The following CDCA8 variants were observed in gnomAD, a reference collection of about 807,000 sequenced individuals.
The protein encoded by CDCA8 is cell division cycle associated 8.
In CDCA8, 25 loss-of-function variants were observed where a neutral mutation model predicts 40.0. That is an observed-to-expected ratio of 0.63 (90% CI 0.46 to 0.87). The LOEUF is 0.87. Among genes scored for constraint, CDCA8 ranks in the 40% least tolerant of loss-of-function variants. The pLI, the probability that CDCA8 is intolerant of heterozygous loss-of-function variation, is 0.00. For synonymous variants in CDCA8, 111 were observed against 126.5 expected (o/e 0.88, Z 0.82); for missense variants, 280 against 348.4 (o/e 0.80, Z 1.56).
chr1:37,707,445 C>T (rs998105240), intron 9 of CDCA8, among the ~76,000 whole-genome samples: 3 of 152,178 alleles, frequency 2.0e-5, no homozygotes, highest in African/African-American at 7.2e-5. Context: ...GCGAGCTGAA[C>T]GGCCAAGCCT....
At position 37,698,923 on chromosome 1, in the gene CDCA8, G is replaced by A. The variant is rs370815676; in HGVS notation, c.283G>A (p.Glu95Lys). The part of the protein sequence containing the change: ...EAATADLDIT[E>K]INKLTAEAIQ... ...GTCATAGGCTGACCTGGATATCACC[G>A]AAATAAACAAACTAACAGCAGAAGC... The change falls in exon 4 of 10, where the codon GAA (glutamate) becomes AAA (lysine). Residue 95 changes from glutamate (E) to lysine (K), a missense_variant. Coordinates refer to ENST00000373055, the MANE Select transcript of CDCA8 (RefSeq NM_001256875.2). 5.8e-5 allele frequency: 94 copies of A among 1,613,634 alleles called. No homozygotes were observed. The highest frequency in any genetic ancestry group is 3.8e-4 in the South Asian group (35 of 91,072).
intron 5 of CDCA8, among the ~76,000 whole-genome samples, chr1:37,701,280 A>G (rs576661209): frequency 6.6e-6 from 1 of 152,272 alleles, no homozygotes; most frequent in African/African-American, 2.4e-5. Flanking sequence ...CTCCTAAGGC[A>G]GACTGCCAAG....
At chr1:37,700,176 C>T (rs1467584440) in intron 4 of CDCA8, among the ~76,000 whole-genome samples, 5 of 152,122 alleles carry the variant, frequency 3.3e-5, no homozygotes, top group Admixed American at 3.3e-4. Context: ...GGCTACACAC[C>T]AGGGCACGCT....
At position 37,703,151 on chromosome 1, in the gene CDCA8, G is replaced by A. The variant is rs1304662505; in HGVS notation, c.489-101G>A. ...GTGAGTCGATGTGTGCGAGGCGCCC[G>A]GAGCAGTATCTCACAGTCAGCTCTC... On this transcript the variant is annotated intron_variant, in intron 6 of 9. Transcript: ENST00000373055. 2.2e-5 allele frequency: 20 copies of A among 895,776 alleles called. 1 individual carries two copies. The highest frequency in any genetic ancestry group is 1.3e-4 in the African/African-American group (8 of 61,226). 55.5% of individuals were successfully genotyped at this position (895,776 alleles called of 1,614,324 possible).
rs1645471448 is a variant in CDCA8 at position 37,692,552 on chromosome 1, T to C, written c.-139T>C. 1 of 685,670 alleles carries C rather than the reference T, an allele frequency of 1.5e-6. No individual in the cohort carries two copies. The highest frequency in any genetic ancestry group is 2.3e-5 in the Admixed American group (1 of 42,816). The allele number at this position is 685,670 out of a possible 1,614,324, so 42.5% of individuals were successfully genotyped here. ...CTCTCTCACTGGCACAGCGAGGTTT[T>C]GCTCAGCCCTTGTCTCGGGACCGCA... On this transcript the variant is annotated 5_prime_UTR_variant, in exon 1 of 10. Transcript: ENST00000373055.
intron 5 of CDCA8, 35 bp from the exon 6 acceptor site, chr1:37,701,719 T>C (rs775921578): frequency 6.5e-7 from 1 of 1,537,228 alleles, no homozygotes; most frequent in Non-Finnish European, 8.9e-7. Flanking sequence ...TGCTGGGTTT[T>C]TTGTAACCTT....
chr1:37,698,947 G>A lies in CDCA8; in HGVS notation c.307G>A (p.Ala103Thr), dbSNP rs1172068276. ...ITEINKLTAE[A>T]IQTPLKSAKT... ...CGAAATAAACAAACTAACAGCAGAA[G>A]CTATTCAGACACCCCTGAAATCTGC... Residue 103 changes from alanine (A) to threonine (T), a missense_variant, in exon 4 of 10, where the codon GCT becomes ACT. Physicochemically the swap from Ala to Thr is moderately conservative, Grantham distance 58. Transcript: ENST00000373055. 6.2e-7 allele frequency: 1 copy of A among 1,613,832 alleles called. No homozygotes were observed. Among genetic ancestry groups the A allele is most frequent in the Admixed American group, 1.7e-5 (1 of 60,022 alleles).
rs1645620817 is a variant in CDCA8 at position 37,708,865 on chromosome 1, G to A, written c.*499G>A. On this transcript the variant is annotated 3_prime_UTR_variant, in exon 10 of 10. Coordinates refer to ENST00000373055, the MANE Select transcript of CDCA8 (RefSeq NM_001256875.2). ...AGAGGGTAGGTCCAGAAGGTGGGGG[G>A]AACTGTACAGATCAGCAGAGCAGGA... 1 of 210,914 alleles carries A rather than the reference G, an allele frequency of 4.7e-6. No homozygotes were observed. Among genetic ancestry groups the A allele is most frequent in the South Asian group, 9.0e-5 (1 of 11,152 alleles). 13.1% of individuals were successfully genotyped at this position (210,914 alleles called of 1,614,324 possible).
chr1:37,695,368 T>TA (rs71690196), intron 2 of CDCA8, among the ~76,000 whole-genome samples: 1,241 of 76,418 alleles, frequency 0.016, 28 homozygotes, highest in Middle Eastern at 0.054. Context: ...CATCTCTACT[T>TA]AAAAAAAAAA....
At chr1:37,702,646 CT>C (rs1279443643) in intron 6 of CDCA8, among the ~76,000 whole-genome samples, 2 of 152,080 alleles carry the variant, frequency 1.3e-5, no homozygotes, top group Non-Finnish European at 2.9e-5. Flanking sequence ...AGGCTGTCTC[CT>C]TGATTAAAAA....
chr1:37,706,227 C>A (rs986171596), intron 8 of CDCA8, among the ~76,000 whole-genome samples: 4 of 152,016 alleles, frequency 2.6e-5, no homozygotes, highest in African/African-American at 9.7e-5. Flanking sequence ...CCTGCCTCAG[C>A]CTCCTGAGTA....
At position 37,708,444 on chromosome 1, in the gene CDCA8, G is replaced by T. The variant is rs1468561684; in HGVS notation, c.*78G>T. 3.6e-6 allele frequency: 5 copies of T among 1,372,996 alleles called. No homozygotes were observed. Among genetic ancestry groups the T allele is most frequent in the Non-Finnish European group, 5.2e-6 (5 of 962,294 alleles). 85.1% of individuals were successfully genotyped at this position (1,372,996 alleles called of 1,614,324 possible). A position where few individuals can be genotyped will look rare whatever the true frequency, so the allele number is the denominator to read the frequency against. Reference sequence around the variant, plus strand: ...GAGACTTCTTCCCTTCAGGCTTATTGTTTGAGTGTGAAGTTCCAGAGCAAG... The same window carrying T: ...GAGACTTCTTCCCTTCAGGCTTATTTTTTGAGTGTGAAGTTCCAGAGCAAG... On this transcript the variant is annotated 3_prime_UTR_variant, in exon 10 of 10. Transcript: ENST00000373055.
chr1:37,697,483 T>C (rs906133933), intron 3 of CDCA8, among the ~76,000 whole-genome samples: 29 of 152,206 alleles, frequency 1.9e-4, no homozygotes, highest in Non-Finnish European at 4.4e-5. Context: ...CACATAGGCA[T>C]CCTCTGCCTA....
intron 2 of CDCA8, among the ~76,000 whole-genome samples, chr1:37,693,906 G>A (rs998243886): frequency 4.6e-5 from 7 of 152,092 alleles, no homozygotes; most frequent in African/African-American, 1.4e-4. Context: ...GGGAGGCTGA[G>A]GCGGGCAGAT....
In CDCA8 at chr1:37,696,446, C is replaced by A. The variant is rs1645527910; in HGVS notation, c.264+496C>A. ...ACTGTCCAGTGTAGTAGCCACTGGG[C>A]ATATGTAGCTATTTCAGTTAATTAC... On this transcript the variant is annotated intron_variant, in intron 3 of 9. Coordinates refer to ENST00000373055, the MANE Select transcript of CDCA8 (RefSeq NM_001256875.2). The surrounding 1 kb of genome is among the most constrained non-coding windows in gnomAD (Gnocchi z 5.0). Among the ~76,000 whole-genome samples, 1 of 152,138 alleles carries A rather than the reference C, an allele frequency of 6.6e-6. No individual in the cohort carries two copies. The highest frequency in any genetic ancestry group is 1.5e-5 in the Non-Finnish European group (1 of 68,026).
chr1:37,699,259 A>G (rs1049017405), intron 4 of CDCA8, among the ~76,000 whole-genome samples: 7 of 152,226 alleles, frequency 4.6e-5, no homozygotes, highest in Admixed American at 3.9e-4. Flanking sequence ...AAGGGGGGAA[A>G]AAAGCTGTGC....
chr1:37,692,810 C>G, intron 1 of CDCA8, 26 bp downstream of exon 1: 1 of 1,613,158 alleles, frequency 6.2e-7, no homozygotes. Context: ...GTCGCGGCCT[C>G]CTGGGGCGGT....
chr1:37,706,761 A>T (rs188197868), intron 8 of CDCA8, among the ~76,000 whole-genome samples: 7 of 152,340 alleles, frequency 4.6e-5, no homozygotes, highest in African/African-American at 1.7e-4. Context: ...CATTTCTTAG[A>T]TGATGTGCGT....
At chr1:37,703,401 C>A in intron 7 of CDCA8, 54 bp downstream of exon 7, 1 of 1,270,788 alleles carries the variant, frequency 7.9e-7, no homozygotes, top group Non-Finnish European at 1.2e-6. Context: ...TTGAGCACTA[C>A]CCAGAGAAGG....
Sources: gnomAD v4.1 joint callset for allele counts (sites outside exome capture counted in the v4.1 genomes callset) on GRCh38, gnomAD v4.1.1 for gene constraint, Gnocchi (gnomAD v3.1) non-coding constraint, MANE v1.5 for transcripts, NCBI Gene and HGNC (gene_info 2026-07-23, HGNC 2026-07-21) for gene names.